The following SENP2 variants were observed in gnomAD, a reference collection of about 807,000 sequenced individuals.
SENP2 encodes the protein SUMO specific peptidase 2.
Under a neutral mutation model 86.3 loss-of-function variants are expected in SENP2, and 16 were observed. The observed-to-expected ratio is 0.19, with a 90% CI of 0.13 to 0.28. SENP2 has a LOEUF of 0.28. SENP2 is among the 10% of genes least tolerant of loss of function. SENP2 has a pLI of 1.00. For missense variants in SENP2, 552 were observed against 703.0 expected (o/e 0.79, Z 2.43); for synonymous variants, 222 against 238.7 (o/e 0.93, Z 0.64).
intron 14 of SENP2, among the ~76,000 whole-genome samples, chr3:185,623,555 T>G (rs557855033): frequency 6.6e-6 from 1 of 152,028 alleles, no homozygotes; most frequent in South Asian, 2.1e-4. Context: ...CTCCCCAAAT[T>G]AAATAAAAAA....
Position 185,586,326 on chromosome 3 carries a change from G to T in SENP2, c.-88G>T. The T allele has an allele frequency of 1.3e-6, 2 of 1,591,260 alleles. No homozygotes were observed. Among genetic ancestry groups the T allele is most frequent in the Non-Finnish European group, 8.5e-7 (1 of 1,169,738 alleles). On this transcript the variant is annotated 5_prime_UTR_variant, in exon 1 of 17. Transcript: ENST00000296257. The surrounding 1 kb of genome is among the most constrained non-coding windows in gnomAD (Gnocchi z 4.3). ...CAGCGACCGAACTCTGGCGGTGGTG[G>T]TTAAGACGGCGAAGGCGGCAGCGGC...
chr3:185,590,310 G>C (rs1721934416), intron 2 of SENP2, 141 bp downstream of exon 2: 1 of 344,118 alleles, frequency 2.9e-6, no homozygotes, highest in African/African-American at 2.2e-5. Flanking sequence ...CACTTTGGGA[G>C]GCCAAGGCAG....
In SENP2 at chr3:185,617,638, G is replaced by T. The variant is rs766627528; in HGVS notation, c.1242+27G>T. On this transcript the variant is annotated intron_variant, in intron 12 of 16. Transcript: ENST00000296257. ...TAAGTTGTATTCCCTCCCCCTTTTGGCTATCATTAAGTTTATTTATTTATT... is the reference window on the plus strand; with the variant it reads ...TAAGTTGTATTCCCTCCCCCTTTTGTCTATCATTAAGTTTATTTATTTATT... 1.9e-6 allele frequency: 3 copies of T among 1,602,756 alleles called. No individual in the cohort carries two copies. In the East Asian group the frequency reaches 6.7e-5, roughly 36 times the overall value.
In SENP2 at chr3:185,614,663, A is replaced by G. The variant is rs199858955; in HGVS notation, c.1033A>G (p.Ile345Val). The change falls in exon 11 of 17, where the codon ATA becomes GTA. Residue 345 changes from isoleucine (I) to valine (V), a missense_variant. By Grantham distance (29) the Ile-to-Val change is conservative. This residue lies in a region of SENP2 where 383 missense variants were observed against 427.3 expected (regional missense o/e 0.90). Transcript: ENST00000296257. ...TGGCTTACTCAGGAGGAAAGTGTCA[A>G]TAATTGAGACAAAGGAAAAGAATTG... ...SNGLLRRKVS[I>V]IETKEKNCSG... 4.7e-5 allele frequency: 76 copies of G among 1,614,266 alleles called. No individual in the cohort carries two copies. In the African/African-American group the frequency reaches 8.1e-4, roughly 17 times the overall value.
intron 12 of SENP2, among the ~76,000 whole-genome samples, chr3:185,618,805 G>A (rs935265897): frequency 1.3e-5 from 2 of 152,102 alleles, no homozygotes; most frequent in Non-Finnish European, 2.9e-5. Context: ...TGTGAACCCG[G>A]GAGGCAGAGC....
chr3:185,600,809 G>C lies in SENP2; in HGVS notation c.403G>C (p.Val135Leu). 6.2e-7 allele frequency: 1 copy of C among 1,612,430 alleles called. No homozygotes were observed. The highest frequency in any genetic ancestry group is 8.5e-7 in the Non-Finnish European group (1 of 1,178,498). The change falls in exon 5 of 17, where the codon GTG becomes CTG. Residue 135 changes from valine (V) to leucine (L), a missense_variant. Physicochemically the swap from Val to Leu is conservative, Grantham distance 32. Transcript: ENST00000296257. ...AATAAGTGACTATCCAAAGATCAGAGTGACAGTTACCCGAGATCAGCCACG... is the reference window on the plus strand; with the variant it reads ...AATAAGTGACTATCCAAAGATCAGACTGACAGTTACCCGAGATCAGCCACG... ...NGISDYPKIR[V>L]TVTRDQPRRV... is the part of the protein sequence containing the mutation.
chr3:185,598,653 A>G, intron 3 of SENP2, 108 bp downstream of exon 3: 11 of 1,122,576 alleles, frequency 9.8e-6, no homozygotes, highest in Non-Finnish European at 1.4e-5. Context: ...TTTTTTCCAG[A>G]AATATCTGTA....
intron 8 of SENP2, chr3:185,612,250 C>G (rs1722724683): frequency 5.5e-6 from 1 of 182,724 alleles, no homozygotes; most frequent in Non-Finnish European, 1.1e-5. Context: ...TAACATGGCT[C>G]TGGATTATTA....
At position 185,626,842 on chromosome 3, in the gene SENP2, G is replaced by A. The variant is rs571790137; in HGVS notation, c.1707+449G>A. On this transcript the variant is annotated intron_variant, in intron 16 of 16. Transcript: ENST00000296257. ...TGTAATCCCAGCACTTTGGGAGGCC[G>A]AGGCAGGTGGATCACCTGAGGTCAG... Among the ~76,000 whole-genome samples the A allele has an allele frequency of 1.1e-3, 163 of 151,840 alleles. 1 individual carries two copies. The highest frequency in any genetic ancestry group is 3.7e-3 in the African/African-American group (153 of 41,396).
Position 185,586,308 on chromosome 3 carries a change from C to A in SENP2, c.-106C>A. The A allele has an allele frequency of 6.4e-7, 1 of 1,568,974 alleles. No homozygotes were observed. Among genetic ancestry groups the A allele is most frequent in the South Asian group, 1.1e-5 (1 of 87,312 alleles). Reference sequence around the variant, plus strand: ...TTGAATCGCGTCACAAATCAGCGACCGAACTCTGGCGGTGGTGGTTAAGAC... The same window carrying A: ...TTGAATCGCGTCACAAATCAGCGACAGAACTCTGGCGGTGGTGGTTAAGAC... On this transcript the variant is annotated 5_prime_UTR_variant, in exon 1 of 17. Coordinates refer to ENST00000296257, the MANE Select transcript of SENP2 (RefSeq NM_021627.3). This position sits in a 1 kb window ranked among gnomAD's most constrained non-coding sequence, Gnocchi z 4.3.
At chr3:185,625,949 G>A (rs959190300) in intron 15 of SENP2, among the ~76,000 whole-genome samples, 1 of 152,158 alleles carries the variant, frequency 6.6e-6, no homozygotes, top group Admixed American at 6.6e-5. Flanking sequence ...TTCCTGTGGG[G>A]TCGGGTCATG....
In SENP2 at chr3:185,586,476, C is replaced by T. The variant is rs567550421; in HGVS notation, c.63C>T (p.Pro21=). The T allele has an allele frequency of 6.8e-6, 11 of 1,613,896 alleles. No individual in the cohort carries two copies. In the Admixed American group the frequency reaches 1.5e-4, roughly 22 times the overall value. The change falls in exon 1 of 17, where the codon CCC becomes CCT. Residue 21 remains proline, a synonymous_variant. Coordinates refer to ENST00000296257, the MANE Select transcript of SENP2 (RefSeq NM_021627.3). This position sits in a 1 kb window ranked among gnomAD's most constrained non-coding sequence, Gnocchi z 4.3. Reference sequence around the variant, plus strand: ...TCCGTTTCTGCGACCGGTCGGTGCCCCCTGCCCGGGCCCTCCTGAAGAGGC... The same window carrying T: ...TCCGTTTCTGCGACCGGTCGGTGCCTCCTGCCCGGGCCCTCCTGAAGAGGC... ...TIFRFCDRSV[P]PARALLKRRR...
chr3:185,617,502 A>G lies in SENP2; in HGVS notation c.1133A>G (p.Asn378Ser), dbSNP rs770213102. 1.1e-5 allele frequency: 17 copies of G among 1,611,648 alleles called. No homozygotes were observed. In the South Asian group the frequency reaches 1.8e-4, roughly 17 times the overall value. The change falls in exon 12 of 17, where the codon AAT becomes AGT. Residue 378 changes from asparagine to serine, a missense_variant. Asn to Ser is a conservative substitution (Grantham distance 46). This residue lies in a region of SENP2 where 169 missense variants were observed against 275.7 expected (regional missense o/e 0.61). Coordinates refer to ENST00000296257, the MANE Select transcript of SENP2 (RefSeq NM_021627.3). Reference protein sequence around the residue: ...LTEDMEKEISNALGHGPQDEI... With the variant: ...LTEDMEKEISSALGHGPQDEI... The stretch of plus-strand genomic sequence containing the variant: ...CAGGACATGGAAAAGGAAATCAGTA[A>G]TGCCCTAGGCCATGGCCCACAGGAT...
intron 7 of SENP2, among the ~76,000 whole-genome samples, chr3:185,611,018 G>T (rs940143568): frequency 6.6e-6 from 1 of 152,134 alleles, no homozygotes; most frequent in Admixed American, 6.5e-5. Flanking sequence ...GCTCACACCT[G>T]TAATCCCAGC....
intron 13 of SENP2, among the ~76,000 whole-genome samples, chr3:185,620,462 A>T (rs978441254): frequency 1.3e-5 from 2 of 151,888 alleles, no homozygotes; most frequent in East Asian, 3.9e-4. Flanking sequence ...TATGTTTTTG[A>T]GATGGAGTCT....
intron 4 of SENP2, among the ~76,000 whole-genome samples, chr3:185,599,948 G>A (rs993768211): frequency 2.5e-4 from 38 of 151,744 alleles, no homozygotes; most frequent in African/African-American, 4.1e-4. Context: ...ACAGGCATGC[G>A]CCACCACCCT....
rs541793096 is a variant in SENP2 at position 185,589,397 on chromosome 3, T to C, written c.102-717T>C. The stretch of plus-strand genomic sequence containing the variant: ...TCACCTAAAGTAAAAGATGGCTTTC[T>C]TTGGGGATCATTTTCAAAAGGAAAT... On this transcript the variant is annotated intron_variant, in intron 1 of 16. Transcript: ENST00000296257. Among the ~76,000 whole-genome samples, 5 of 152,342 alleles carry C rather than the reference T, an allele frequency of 3.3e-5. No individual in the cohort carries two copies. The South Asian group carries it at 1.0e-3, about 32-fold the overall frequency.
At position 185,586,615 on chromosome 3, in the gene SENP2, C is replaced by A; in HGVS notation, c.101+101C>A. 2 of 1,142,008 alleles carry A rather than the reference C, an allele frequency of 1.8e-6. No individual in the cohort carries two copies. Among genetic ancestry groups the A allele is most frequent in the Admixed American group, 2.0e-5 (1 of 50,102 alleles). The allele number at this position is 1,142,008 out of a possible 1,614,324, so 70.7% of individuals were successfully genotyped here. A position where few individuals can be genotyped will look rare whatever the true frequency, so the allele number is the denominator to read the frequency against. The stretch of plus-strand genomic sequence containing the variant: ...TTGATTCAGCCAGGCTCACCCGAAA[C>A]AGGTCGCCGGGATCCTAGTGACGTA... On this transcript the variant is annotated intron_variant, in intron 1 of 16. Transcript: ENST00000296257. The surrounding 1 kb of genome is among the most constrained non-coding windows in gnomAD (Gnocchi z 4.3).
Position 185,613,364 on chromosome 3 carries a change from A to C in SENP2, c.889A>C (p.Thr297Pro). The change falls in exon 10 of 17, where the codon ACT becomes CCT. Residue 297 changes from threonine (T) to proline (P), a missense_variant. Around this residue, in one of 2 missense-constraint regions of SENP2, gnomAD observed 383 missense variants for 427.3 expected, o/e 0.90. Coordinates refer to ENST00000296257, the MANE Select transcript of SENP2 (RefSeq NM_021627.3). ...CCTTAGGTGTTCAAAGGGGAAAATT[A>C]CTGATACAGAGACGATGGTCGGAAT... is the stretch of plus-strand genomic sequence containing the variant. ...SEKRCSKGKI[T>P]DTETMVGIRF... The C allele has an allele frequency of 1.3e-6, 2 of 1,596,290 alleles. No homozygotes were observed. The highest frequency in any genetic ancestry group is 1.7e-6 in the Non-Finnish European group (2 of 1,165,420).
Sources: gnomAD v4.1 joint callset for allele counts (sites outside exome capture counted in the v4.1 genomes callset) on GRCh38, gnomAD v4.1.1 for gene constraint, gnomAD v4.1.1 regional missense constraint, Gnocchi (gnomAD v3.1) non-coding constraint, MANE v1.5 for transcripts, NCBI Gene and HGNC (gene_info 2026-07-23, HGNC 2026-07-21) for gene names.